RMND5B: variants seen among roughly 807,000 people sequenced by gnomAD.
RMND5B encodes the protein E3 ubiquitin-protein transferase RMND5B.
In RMND5B, 42 loss-of-function variants were observed where a neutral mutation model predicts 50.4. The ratio of observed to expected loss-of-function variants is 0.83; its 90% CI spans 0.65 to 1.08. The LOEUF (loss-of-function observed/expected upper bound fraction) is 1.08, where lower values mean the gene tolerates loss of function less well. Ranked by LOEUF, RMND5B falls within the 50% of genes least tolerant of loss-of-function variation. The pLI, the probability that RMND5B is intolerant of heterozygous loss-of-function variation, is 0.00. For synonymous variants in RMND5B, 220 were observed against 210.0 expected, an observed-to-expected ratio of 1.05 and a Z score of -0.41; for missense variants, 463 against 508.5, an observed-to-expected ratio of 0.91 and a Z score of 0.86.
In RMND5B at chr5:178,147,747, A is replaced by C. The variant is rs1248408087; in HGVS notation, c.982A>C (p.Met328Leu). The C allele has an allele frequency of 6.2e-7, 1 of 1,614,054 alleles. No individual in the cohort carries two copies. The highest frequency in any genetic ancestry group is 1.3e-5 in the African/African-American group (1 of 74,918). The change falls in exon 10 of 11, where the codon ATG (methionine) becomes CTG (leucine). Residue 328 changes from methionine to leucine, a missense_variant. Physicochemically the swap from Met to Leu is conservative, Grantham distance 15. Transcript: ENST00000313386. ...TTCCCAGATTGAGATTGAACTAGGC[A>C]TGAAGTGCTGGTACCACTCCGTGTT... is the stretch of plus-strand genomic sequence containing the variant. ...DELPIEIELG[M>L]KCWYHSVFAC...
chr5:178,147,776 T>C lies in RMND5B; in HGVS notation c.1011T>C (p.Ala337=), dbSNP rs1756109207. ...GMKCWYHSVF[A]CPILRQQTSD... ...AGTGCTGGTACCACTCCGTGTTCGC[T>C]TGCCCCATCCTCCGCCAGCAGACGT... The change falls in exon 10 of 11, where the codon GCT becomes GCC. Residue 337 remains alanine, a synonymous_variant. Coordinates refer to ENST00000313386, the MANE Select transcript of RMND5B (RefSeq NM_022762.5). The C allele has an allele frequency of 6.2e-7, 1 of 1,614,128 alleles. No homozygotes were observed. Among genetic ancestry groups the C allele is most frequent in the Non-Finnish European group, 8.5e-7 (1 of 1,180,022 alleles).
intron 3 of RMND5B, among the ~76,000 whole-genome samples, chr5:178,139,353 A>G (rs1018127692): frequency 2.6e-5 from 4 of 151,462 alleles, no homozygotes; most frequent in African/African-American, 9.7e-5. Context: ...TTAAAGGCGC[A>G]TGCCACCACC....
At chr5:178,134,613 C>T (rs913778174) in intron 2 of RMND5B, among the ~76,000 whole-genome samples, 2 of 152,070 alleles carry the variant, frequency 1.3e-5, no homozygotes, top group African/African-American at 4.8e-5. Flanking sequence ...AATTAACCTC[C>T]TGCATTTTTT....
chr5:178,133,269 T>G (rs1415877683), intron 2 of RMND5B, among the ~76,000 whole-genome samples: 1 of 152,222 alleles, frequency 6.6e-6, no homozygotes, highest in Non-Finnish European at 1.5e-5. Context: ...TACTCCAGGA[T>G]AAACCTCCAT....
Position 178,138,237 on chromosome 5 carries a change from C to T in RMND5B, c.118C>T (p.Arg40Trp), listed in dbSNP as rs1293859259. The part of the protein sequence containing the change: ...EELLHYVGQL[R>W]AELASAALQG... ...GCTGCTGCACTACGTGGGCCAGCTGCGGGCTGAGCTGGCCAGCGCAGGTGG... is the reference window on the plus strand; with the variant it reads ...GCTGCTGCACTACGTGGGCCAGCTGTGGGCTGAGCTGGCCAGCGCAGGTGG... The change falls in exon 3 of 11, where the codon CGG (arginine) becomes TGG (tryptophan). Residue 40 changes from arginine (R) to tryptophan (W), a missense_variant. Arg to Trp is a moderately radical substitution (Grantham distance 101). Transcript: ENST00000313386. This position sits in a 1 kb window ranked among gnomAD's most constrained non-coding sequence, Gnocchi z 5.1. 3.1e-6 allele frequency: 5 copies of T among 1,613,470 alleles called. No individual in the cohort carries two copies. Among genetic ancestry groups the T allele is most frequent in the Admixed American group, 1.7e-5 (1 of 59,968 alleles).
chr5:178,142,986 G>T lies in RMND5B; in HGVS notation c.420G>T (p.Leu140=), dbSNP rs767853785. 2 of 1,613,160 alleles carry T rather than the reference G, an allele frequency of 1.2e-6. No individual in the cohort carries two copies. Among genetic ancestry groups the T allele is most frequent in the Non-Finnish European group, 1.7e-6 (2 of 1,179,418 alleles). ...QQGMLSVAEE[L]CQESTLNVDL... is the part of the protein sequence containing the mutation. ...GCATGCTCAGCGTGGCCGAGGAGCT[G>T]TGCCAGGTACAGTCGGGCTGGGCGG... Residue 140 remains leucine (L), a synonymous_variant, in exon 5 of 11, where the codon CTG becomes CTT. Transcript: ENST00000313386.
intron 2 of RMND5B, among the ~76,000 whole-genome samples, chr5:178,134,182 G>A (rs1758491218): frequency 6.6e-6 from 1 of 152,166 alleles, no homozygotes; most frequent in Non-Finnish European, 1.5e-5. Context: ...GACTCGATGG[G>A]TGTGGTGTGG....
Position 178,143,637 on chromosome 5 carries a change from T to G in RMND5B, c.437T>G (p.Leu146Arg), listed in dbSNP as rs1462708874. 1 of 1,613,456 alleles carries G rather than the reference T, an allele frequency of 6.2e-7. No individual in the cohort carries two copies. Among genetic ancestry groups the G allele is most frequent in the Non-Finnish European group, 8.5e-7 (1 of 1,179,502 alleles). Residue 146 changes from leucine to arginine, a missense_variant, in exon 6 of 11, where the codon CTG becomes CGG. Leu to Arg is a moderately radical substitution (Grantham distance 102). Transcript: ENST00000313386. ...VAEELCQEST[L>R]NVDLDFKQPF... ...TCTCTCTCCTTGTAGGAATCAACGC[T>G]GAATGTGGACTTGGATTTCAAGCAG...
At chr5:178,146,329 A>C in intron 8 of RMND5B, 50 bp downstream of exon 8, 2 of 1,566,308 alleles carry the variant, frequency 1.3e-6, no homozygotes, top group South Asian at 1.1e-5. Flanking sequence ...TAGAGAGGTA[A>C]TCATCATTTG....
At chr5:178,136,755 G>A (rs1436744401) in intron 2 of RMND5B, among the ~76,000 whole-genome samples, 1 of 152,194 alleles carries the variant, frequency 6.6e-6, no homozygotes, top group Non-Finnish European at 1.5e-5. Context: ...GGCTAGATCA[G>A]CTCTGTCACT....
intron 2 of RMND5B, among the ~76,000 whole-genome samples, chr5:178,131,630 G>A (rs1473747360): frequency 6.6e-6 from 1 of 152,102 alleles, no homozygotes; most frequent in Non-Finnish European, 1.5e-5. Context: ...TGTGAGGGTG[G>A]GGCGGAGGGG....
chr5:178,135,285 G>A, intron 2 of RMND5B: 1 of 225,546 alleles, frequency 4.4e-6, no homozygotes, highest in Non-Finnish European at 9.7e-6. Context: ...GAGGAGCTGG[G>A]ACCACAGGCG....
chr5:178,131,719 C>T (rs1758319228), intron 2 of RMND5B, among the ~76,000 whole-genome samples: 1 of 152,056 alleles, frequency 6.6e-6, no homozygotes, highest in South Asian at 2.1e-4. Context: ...AGGAGGCAGG[C>T]TTAGGAAGAT....
At chr5:178,141,599 G>C (rs1581120986) in intron 3 of RMND5B, 1 of 152,132 alleles carries the variant, frequency 6.6e-6, no homozygotes, top group Non-Finnish European at 1.5e-5. Context: ...GATTGCTTGA[G>C]TCCGGGAGTT....
intron 3 of RMND5B, 120 bp from the exon 4 acceptor site, chr5:178,142,463 C>G: frequency 8.7e-7 from 1 of 1,146,724 alleles, no homozygotes; most frequent in East Asian, 2.4e-5. Flanking sequence ...TTCTTTCACC[C>G]TGGCATTCAG....
In RMND5B at chr5:178,143,076, C is replaced by T; in HGVS notation, c.426+84C>T. On this transcript the variant is annotated intron_variant, in intron 5 of 10. Coordinates refer to ENST00000313386, the MANE Select transcript of RMND5B (RefSeq NM_022762.5). ...TTCACTGTATGAAGTCCCTACCATT[C>T]TCAAATCCATTTATTTCCTAAAGGA... is the stretch of plus-strand genomic sequence containing the variant. The T allele has an allele frequency of 4.1e-6, 6 of 1,451,026 alleles. No homozygotes were observed. In the South Asian group the frequency reaches 5.4e-5, roughly 13 times the overall value. 89.9% of individuals were successfully genotyped at this position (1,451,026 alleles called of 1,614,324 possible). A position where few individuals can be genotyped will look rare whatever the true frequency, so the allele number is the denominator to read the frequency against.
intron 7 of RMND5B, among the ~76,000 whole-genome samples, chr5:178,145,640 T>C (rs1002624194): frequency 2.6e-5 from 4 of 152,122 alleles, no homozygotes; most frequent in Admixed American, 2.0e-4. Context: ...CCTGGCCTCA[T>C]GTGATGCACC....
chr5:178,139,786 G>A (rs1417556254), intron 3 of RMND5B, among the ~76,000 whole-genome samples: 2 of 145,110 alleles, frequency 1.4e-5, no homozygotes, highest in Non-Finnish European at 3.0e-5. Flanking sequence ...TCGAACTCCC[G>A]ATCTCAGGTG....
chr5:178,137,968 TATATAC>T lies in RMND5B; in HGVS notation c.-12-134_-12-129del, dbSNP rs1758703695. Reference sequence around the variant, plus strand: ...ATATGCTTACCAAAACATAGGTACATATATACATATATGTACAAAACATATAACATT... The same window carrying T: ...ATATGCTTACCAAAACATAGGTACATATATATGTACAAAACATATAACATT... On this transcript the variant is annotated intron_variant, in intron 2 of 10. Transcript: ENST00000313386. The surrounding 1 kb of genome is among the most constrained non-coding windows in gnomAD (Gnocchi z 4.4). 1.3e-6 allele frequency: 1 copy of T among 761,912 alleles called. No homozygotes were observed. Among genetic ancestry groups the T allele is most frequent in the African/African-American group, 1.8e-5 (1 of 56,032 alleles). The allele number at this position is 761,912 out of a possible 1,614,324, so 47.2% of individuals were successfully genotyped here.
Sources: allele counts gnomAD v4.1 joint callset (sites outside exome capture counted in the v4.1 genomes callset), GRCh38; gene constraint gnomAD v4.1.1; non-coding constraint Gnocchi (gnomAD v3.1); transcripts MANE v1.5; gene names NCBI Gene and HGNC (gene_info 2026-07-23, HGNC 2026-07-21).